Variants in DNAJC5B observed in about 807,000 individuals in gnomAD.
DNAJC5B encodes DnaJ heat shock protein family (Hsp40) member C5 beta, also known as dnaJ homolog subfamily C member 5B.
In DNAJC5B, 23 loss-of-function variants were observed where a neutral mutation model predicts 24.7. The observed-to-expected ratio is 0.93, with a 90% CI of 0.67 to 1.32. The LOEUF is 1.32. Ranked by LOEUF, DNAJC5B falls within the 40% of genes most tolerant of loss-of-function variation. DNAJC5B has a pLI of 0.00. For synonymous variants in DNAJC5B, 101 were observed against 90.1 expected, an observed-to-expected ratio of 1.12 and a Z score of -0.68; for missense variants, 238 against 240.8, an observed-to-expected ratio of 0.99 and a Z score of 0.08.
chr8:66,081,785 G>T (rs1807601457), intron 5 of DNAJC5B, among the ~76,000 whole-genome samples: 1 of 152,068 alleles, frequency 6.6e-6, no homozygotes, highest in African/African-American at 2.4e-5. Flanking sequence ...GGGACCTGTA[G>T]GTGGCCAATC....
At chr8:66,031,544 T>A (rs1376635830) in intron 1 of DNAJC5B, among the ~76,000 whole-genome samples, 1 of 152,212 alleles carries the variant, frequency 6.6e-6, no homozygotes, top group Non-Finnish European at 1.5e-5. Flanking sequence ...AATGTATGCA[T>A]TTTGTATATA....
intron 1 of DNAJC5B, among the ~76,000 whole-genome samples, chr8:66,023,859 T>A (rs890090547): frequency 1.3e-5 from 2 of 152,232 alleles, no homozygotes; most frequent in Non-Finnish European, 2.9e-5. Context: ...AAGCTATATA[T>A]GTCTTGCATC....
intron 1 of DNAJC5B, among the ~76,000 whole-genome samples, chr8:66,036,376 T>C (rs1410364894): frequency 6.6e-6 from 1 of 152,170 alleles, no homozygotes; most frequent in African/African-American, 2.4e-5. Flanking sequence ...CCAATGTTTC[T>C]CCCTTCAGAC....
chr8:66,062,870 C>G (rs917851797), intron 3 of DNAJC5B, among the ~76,000 whole-genome samples: 63 of 151,600 alleles, frequency 4.2e-4, no homozygotes, highest in Admixed American at 6.6e-5. Flanking sequence ...TATAGACAGG[C>G]TTGGTGGCAT....
intron 5 of DNAJC5B, among the ~76,000 whole-genome samples, chr8:66,098,384 G>A (rs1318642386): frequency 1.3e-5 from 2 of 151,762 alleles, no homozygotes; most frequent in Admixed American, 6.6e-5. Flanking sequence ...TGGATTTTCA[G>A]TAGAGACAGA....
chr8:66,058,196 C>A (rs986657086), intron 3 of DNAJC5B, among the ~76,000 whole-genome samples: 3 of 152,170 alleles, frequency 2.0e-5, no homozygotes, highest in African/African-American at 7.2e-5. Context: ...TAGTATTCCA[C>A]GACATGGATG....
chr8:66,046,176 C>T (rs558571621), intron 2 of DNAJC5B, among the ~76,000 whole-genome samples: 1 of 152,288 alleles, frequency 6.6e-6, no homozygotes, highest in Admixed American at 6.5e-5. Context: ...AACTGGGCTC[C>T]CTGCAGAAGT....
rs991533860 is a variant in DNAJC5B, at chr8:66,076,801, A to G, written c.261A>G (p.Gly87=). The change falls in exon 4 of 6, where the codon GGA becomes GGG. Residue 87 remains glycine, a synonymous_variant. Coordinates refer to ENST00000276570, the MANE Select transcript of DNAJC5B (RefSeq NM_033105.6). ...RSIYDKYGSL[G]LYVAEQFGDE... ...TATACGACAAGTACGGATCGCTGGG[A>G]CTCTACGTGGCCGAGCAGTTTGGAG... 1 of 1,614,010 alleles carries G rather than the reference A, an allele frequency of 6.2e-7. No homozygotes were observed. Among genetic ancestry groups the G allele is most frequent in the African/African-American group, 1.3e-5 (1 of 74,908 alleles).
At chr8:66,093,870 G>C (rs1410896366) in intron 5 of DNAJC5B, among the ~76,000 whole-genome samples, 2 of 152,094 alleles carry the variant, frequency 1.3e-5, no homozygotes, top group Non-Finnish European at 2.9e-5. Flanking sequence ...ACATATAAGA[G>C]TTTAATCACC....
intron 3 of DNAJC5B, among the ~76,000 whole-genome samples, chr8:66,065,411 T>C (rs76662904): frequency 0.043 from 6,533 of 152,280 alleles, 468 homozygotes; most frequent in African/African-American, 0.15. Context: ...GCAGGTGTTT[T>C]AGAAATAATT....
At chr8:66,099,484 A>G (rs1360041963) in intron 5 of DNAJC5B, among the ~76,000 whole-genome samples, 1 of 152,224 alleles carries the variant, frequency 6.6e-6, no homozygotes. Flanking sequence ...CTGTCCCAAC[A>G]AGGGCCAGTC....
intron 3 of DNAJC5B, among the ~76,000 whole-genome samples, chr8:66,074,420 T>A (rs1207213968): frequency 1.3e-5 from 2 of 152,262 alleles, no homozygotes; most frequent in Admixed American, 1.3e-4. Flanking sequence ...CATGTTTATC[T>A]TATCTGCCAC....
At chr8:66,099,705 T>G (rs1000587026) in intron 5 of DNAJC5B, among the ~76,000 whole-genome samples, 5 of 152,224 alleles carry the variant, frequency 3.3e-5, no homozygotes, top group Non-Finnish European at 5.9e-5. Context: ...GCCCTCCAGG[T>G]GAAAGCTGGG....
chr8:66,075,385 A>C (rs1290369148), intron 3 of DNAJC5B, among the ~76,000 whole-genome samples: 1 of 152,294 alleles, frequency 6.6e-6, no homozygotes, highest in East Asian at 1.9e-4. Flanking sequence ...TGGGGGGGGA[A>C]ATGCTGCAAT....
chr8:66,034,946 T>C lies in DNAJC5B; in HGVS notation c.-141-8542T>C, dbSNP rs541348740. Reference sequence around the variant, plus strand: ...CATTTTACACATAGATAACCAAAAGTTGTTGGGTCATCTTGTCCTCAATAA... The same window carrying C: ...CATTTTACACATAGATAACCAAAAGCTGTTGGGTCATCTTGTCCTCAATAA... On this transcript the variant is annotated intron_variant, in intron 1 of 5. Transcript: ENST00000276570. 2.0e-5 allele frequency among the ~76,000 whole-genome samples: 3 copies of C among 152,334 alleles called. No individual in the cohort carries two copies. In the South Asian group the frequency reaches 6.2e-4, roughly 32 times the overall value.
chr8:66,092,438 C>A lies in DNAJC5B; in HGVS notation c.506-7499C>A, dbSNP rs1807866845. On this transcript the variant is annotated intron_variant, in intron 5 of 5. Transcript: ENST00000276570. The stretch of plus-strand genomic sequence containing the variant: ...GAGCTAGGACAGAGGGCTGTGGAGT[C>A]AGACAATCCTGGCTCAGGCCTCAGC... Among the ~76,000 whole-genome samples the A allele has an allele frequency of 2.0e-5, 3 of 152,178 alleles. No homozygotes were observed. The South Asian group carries it at 6.2e-4, about 32-fold the overall frequency.
In DNAJC5B at chr8:66,100,102, C is replaced by T. The variant is rs561734141; in HGVS notation, c.*71C>T. On this transcript the variant is annotated 3_prime_UTR_variant, in exon 6 of 6. Coordinates refer to ENST00000276570, the MANE Select transcript of DNAJC5B (RefSeq NM_033105.6). Reference sequence around the variant, plus strand: ...TTGTCTCCAGATGGTCGTAGGGGAGCGTGTGGGGCATAAAGTGCTGTGAAC... The same window carrying T: ...TTGTCTCCAGATGGTCGTAGGGGAGTGTGTGGGGCATAAAGTGCTGTGAAC... 9.0e-6 allele frequency: 12 copies of T among 1,326,686 alleles called. No individual in the cohort carries two copies. The highest frequency in any genetic ancestry group is 4.8e-5 in the East Asian group (2 of 41,896). 82.2% of individuals were successfully genotyped at this position (1,326,686 alleles called of 1,614,324 possible).
At chr8:66,034,182 GT>G (rs1806428132) in intron 1 of DNAJC5B, among the ~76,000 whole-genome samples, 2 of 150,966 alleles carry the variant, frequency 1.3e-5, no homozygotes, top group East Asian at 2.0e-4. Flanking sequence ...TGTTTTGTGT[GT>G]GTGTGTGTGT....
intron 5 of DNAJC5B, among the ~76,000 whole-genome samples, chr8:66,081,584 A>G (rs534117314): frequency 4.7e-4 from 71 of 152,158 alleles, no homozygotes; most frequent in Non-Finnish European, 7.5e-4. Context: ...GACTAGTTAA[A>G]GGCTTCCACA....
Sources: gnomAD v4.1 joint callset for allele counts (sites outside exome capture counted in the v4.1 genomes callset) on GRCh38, gnomAD v4.1.1 for gene constraint, MANE v1.5 for transcripts, NCBI Gene and HGNC (gene_info 2026-07-23, HGNC 2026-07-21) for gene names.